Variants in NALCN observed in about 807,000 individuals in gnomAD.
The protein encoded by NALCN is sodium leak channel, non-selective.
Under a neutral mutation model 225.3 loss-of-function variants are expected in NALCN, and 111 were observed. The observed-to-expected ratio is 0.49, with a 90% confidence interval of 0.42 to 0.58. NALCN has a LOEUF of 0.58. Among genes scored for constraint, NALCN ranks in the 20% least tolerant of loss-of-function variants. NALCN has a pLI of 0.00. For missense variants in NALCN, 1,378 were observed against 2,202.4 expected (o/e 0.63, Z 7.49); for synonymous variants, 764 against 769.0 (o/e 0.99, Z 0.11).
chr13:101,244,620 T>C (rs1472585352), intron 11 of NALCN, among the ~76,000 whole-genome samples: 1 of 152,230 alleles, frequency 6.6e-6, no homozygotes, highest in East Asian at 1.9e-4. Flanking sequence ...GATAACATTT[T>C]ATGGAAAATC....
intron 14 of NALCN, among the ~76,000 whole-genome samples, chr13:101,185,893 CT>C (rs200275547): frequency 9.9e-5 from 15 of 151,922 alleles, no homozygotes; most frequent in East Asian, 1.9e-4. Flanking sequence ...ACACAGACTA[CT>C]TTTTTTTTCC....
Position 101,378,620 on chromosome 13 carries a change from C to T in NALCN, c.325G>A (p.Val109Ile). 6.2e-7 allele frequency: 1 copy of T among 1,609,620 alleles called. No individual in the cohort carries two copies. The highest frequency in any genetic ancestry group is 1.7e-5 in the Admixed American group (1 of 59,766). The change falls in exon 4 of 44, where the codon GTT (valine) becomes ATT (isoleucine). Residue 109 changes from valine (V) to isoleucine (I), a missense_variant. Physicochemically the swap from Val to Ile is conservative, Grantham distance 29. Coordinates refer to ENST00000251127, the MANE Select transcript of NALCN (RefSeq NM_052867.4). ...DSSYVKDRWC[V>I]FDGFMVFCLW... Reference sequence around the variant, plus strand: ...CAAAAGACCATAAATCCATCAAAAACACACCAGCGATCTTTCACATAGGAA... The same window carrying T: ...CAAAAGACCATAAATCCATCAAAAATACACCAGCGATCTTTCACATAGGAA...
At chr13:101,340,095 G>A (rs946244511) in intron 7 of NALCN, among the ~76,000 whole-genome samples, 2 of 151,882 alleles carry the variant, frequency 1.3e-5, no homozygotes, top group Non-Finnish European at 2.9e-5. Context: ...GTGAAACTCC[G>A]TCTCTACTAA....
intron 1 of NALCN, among the ~76,000 whole-genome samples, chr13:101,414,129 C>A (rs183803247): frequency 6.6e-6 from 1 of 151,738 alleles, no homozygotes. Context: ...AAGCAATAGG[C>A]CTGCCTTGGC....
chr13:101,171,359 AT>A (rs2038709004), intron 15 of NALCN, among the ~76,000 whole-genome samples: 1 of 149,284 alleles, frequency 6.7e-6, no homozygotes, highest in Admixed American at 6.7e-5. Context: ...ATTATAATAT[AT>A]TTTTGTATTT....
chr13:101,145,651 T>C (rs2037310680), intron 15 of NALCN, among the ~76,000 whole-genome samples: 2 of 152,204 alleles, frequency 1.3e-5, no homozygotes, highest in African/African-American at 4.8e-5. Flanking sequence ...ATTCATGCTA[T>C]ACTTTCCTAT....
At chr13:101,273,136 C>T (rs536665306) in intron 10 of NALCN, among the ~76,000 whole-genome samples, 7 of 152,198 alleles carry the variant, frequency 4.6e-5, no homozygotes, top group African/African-American at 1.7e-4. Flanking sequence ...TAATAGAGCA[C>T]GGGGGTGTGT....
chr13:101,212,754 G>C (rs2040573173), intron 13 of NALCN, among the ~76,000 whole-genome samples: 1 of 152,088 alleles, frequency 6.6e-6, no homozygotes, highest in Non-Finnish European at 1.5e-5. Flanking sequence ...GCTGCGGACA[G>C]TAAAGGCAAA....
At chr13:101,171,512 T>C (rs1170705349) in intron 15 of NALCN, among the ~76,000 whole-genome samples, 2 of 152,124 alleles carry the variant, frequency 1.3e-5, no homozygotes, top group Non-Finnish European at 2.9e-5. Context: ...TTCTACGTAC[T>C]TCAATATGGG....
chr13:101,351,112 T>C (rs946910138), intron 6 of NALCN, among the ~76,000 whole-genome samples: 1 of 152,180 alleles, frequency 6.6e-6, no homozygotes, highest in East Asian at 1.9e-4. Context: ...ATTTTCTGAA[T>C]AAATGAATGA....
rs189443859 is a variant in NALCN, at chr13:101,100,157, G to A, written c.3162+627C>T. Among the ~76,000 whole-genome samples, 24 of 152,264 alleles carry A rather than the reference G, an allele frequency of 1.6e-4. No homozygotes were observed. The East Asian group carries it at 4.1e-3, about 26-fold the overall frequency. ...AATGTAAAGGCACTGGCTTTCTAAT[G>A]GGGAGAAAGCTGAGAGTGGGGAAGC... is the stretch of plus-strand genomic sequence containing the variant. On this transcript the variant is annotated intron_variant, in intron 27 of 43. Transcript: ENST00000251127.
chr13:101,346,344 A>AT (rs1009193483), intron 6 of NALCN, among the ~76,000 whole-genome samples: 8 of 152,040 alleles, frequency 5.3e-5, no homozygotes, highest in African/African-American at 1.4e-4. Context: ...AAGAACGTTA[A>AT]CTTGTCTGAG....
chr13:101,191,515 C>G (rs1433170579), intron 14 of NALCN, among the ~76,000 whole-genome samples: 1 of 152,072 alleles, frequency 6.6e-6, no homozygotes, highest in Admixed American at 6.6e-5. Context: ...CTTCTGTCTT[C>G]AGTTTAATTA....
At chr13:101,188,206 C>T (rs1404525932) in intron 14 of NALCN, among the ~76,000 whole-genome samples, 1 of 152,110 alleles carries the variant, frequency 6.6e-6, no homozygotes, top group Non-Finnish European at 1.5e-5. Context: ...ATACGGCTCT[C>T]TATAACAATG....
In NALCN at chr13:101,356,360, C is replaced by T. The variant is rs146430588; in HGVS notation, c.645-10940G>A. On this transcript the variant is annotated intron_variant, in intron 6 of 43. Transcript: ENST00000251127. ...AAATAGACACAATAAAAAATGATAA[C>T]GGGGATATCACCACTGACCCCACAG... 2.4e-3 allele frequency among the ~76,000 whole-genome samples: 362 copies of T among 151,998 alleles called. 1 individual carries two copies. The highest frequency in any genetic ancestry group is 8.1e-3 in the African/African-American group (337 of 41,496).
intron 13 of NALCN, among the ~76,000 whole-genome samples, chr13:101,196,314 A>G (rs1313053813): frequency 6.6e-6 from 1 of 152,174 alleles, no homozygotes; most frequent in African/African-American, 2.4e-5. Flanking sequence ...CATTTAGAAT[A>G]AACCCTTCTT....
chr13:101,180,583 T>G (rs1201691685), intron 14 of NALCN: 3 of 163,128 alleles, frequency 1.8e-5, no homozygotes, highest in African/African-American at 7.2e-5. Flanking sequence ...CAGAAAGGGC[T>G]GTCATTCCAC....
At chr13:101,171,200 T>G (rs1009217759) in intron 15 of NALCN, among the ~76,000 whole-genome samples, 5 of 150,820 alleles carry the variant, frequency 3.3e-5, no homozygotes, top group African/African-American at 7.3e-5. Flanking sequence ...GTATAAATAC[T>G]AAATATAAAA....
intron 9 of NALCN, among the ~76,000 whole-genome samples, chr13:101,287,282 A>G (rs749732276): frequency 1.3e-4 from 20 of 152,214 alleles, no homozygotes; most frequent in Non-Finnish European, 2.8e-4. Context: ...AGCCAGCAAT[A>G]AATACTGTCT....
Sources: gnomAD v4.1 joint callset for allele counts (sites outside exome capture counted in the v4.1 genomes callset) on GRCh38, gnomAD v4.1.1 for gene constraint, MANE v1.5 for transcripts, NCBI Gene and HGNC (gene_info 2026-07-23, HGNC 2026-07-21) for gene names.